Variants in RHBDD1 observed in about 807,000 individuals in gnomAD.
The protein encoded by RHBDD1 is rhomboid domain containing 1.
In RHBDD1, 38 loss-of-function variants were observed where a neutral mutation model predicts 36.3. The ratio of observed to expected loss-of-function variants is 1.05; its 90% confidence interval spans 0.81 to 1.37. The LOEUF (loss-of-function observed/expected upper bound fraction) is 1.37. Ranked by LOEUF, RHBDD1 falls within the 40% of genes most tolerant of loss-of-function variation. The pLI, the probability that RHBDD1 is intolerant of heterozygous loss-of-function variation, is 0.00. For missense variants in RHBDD1, 393 were observed against 377.6 expected (o/e 1.04, Z -0.34); for synonymous variants, 151 against 136.5 (o/e 1.11, Z -0.74).
intron 3 of RHBDD1, among the ~76,000 whole-genome samples, chr2:226,846,053 T>C (rs1373753856): frequency 2.6e-5 from 4 of 152,234 alleles, no homozygotes; most frequent in Non-Finnish European, 5.9e-5. Flanking sequence ...GATCTTGGGT[T>C]CTTGTTTTTA....
At chr2:226,905,070 C>T (rs1036871693) in intron 5 of RHBDD1, among the ~76,000 whole-genome samples, 2 of 151,978 alleles carry the variant, frequency 1.3e-5, no homozygotes, top group Non-Finnish European at 2.9e-5. Flanking sequence ...CTTGGAGTCT[C>T]CATCAGGCTC....
chr2:226,826,908 G>A, the RHBDD1 span, among the ~76,000 whole-genome samples: 1 of 152,106 alleles, frequency 6.6e-6, no homozygotes, highest in Non-Finnish European at 1.5e-5. Flanking sequence ...AAGAGTCAAA[G>A]AAAAGATCAT....
intron 3 of RHBDD1, among the ~76,000 whole-genome samples, chr2:226,846,960 G>A (rs113927787): frequency 8.6e-4 from 131 of 152,286 alleles, no homozygotes; most frequent in African/African-American, 2.9e-3. Flanking sequence ...TTTTTGTCAA[G>A]TAGTGGAAGG....
chr2:226,808,256 G>A, the RHBDD1 span: 1 of 152,006 alleles, frequency 6.6e-6, no homozygotes, highest in African/African-American at 2.4e-5. Context: ...TGACTCCAAG[G>A]TTTTTTTTAC....
chr2:226,969,997 C>CG (rs1434040376), intron 8 of RHBDD1, among the ~76,000 whole-genome samples: 1 of 121,626 alleles, frequency 8.2e-6, no homozygotes, highest in Non-Finnish European at 1.6e-5. Context: ...TGTCCCCCCC[C>CG]CCTTAATTTT....
At chr2:226,879,703 A>G (rs1229139072) in intron 5 of RHBDD1, among the ~76,000 whole-genome samples, 3 of 152,248 alleles carry the variant, frequency 2.0e-5, no homozygotes, top group African/African-American at 7.2e-5. Context: ...GGTAGAAAAT[A>G]AAAACCAATG....
chr2:226,861,121 C>G (rs1199889927), intron 3 of RHBDD1, among the ~76,000 whole-genome samples: 1 of 152,164 alleles, frequency 6.6e-6, no homozygotes, highest in East Asian at 1.9e-4. Flanking sequence ...CAAACTATAT[C>G]TTCTTCTAAG....
chr2:226,904,424 G>GT lies in RHBDD1; in HGVS notation c.567-2369_567-2368insT, dbSNP rs1206254409. On this transcript the variant is annotated intron_variant, in intron 5 of 8. Transcript: ENST00000392062. ...GGCACATCCTGCAAGCGGGGGGGGA[G>GT]GGGGGTCAGGGAACTCCTGTTTCAG... 4.0e-5 allele frequency among the ~76,000 whole-genome samples: 6 copies of GT among 148,260 alleles called. 2 individuals carry two copies. Among genetic ancestry groups the GT allele is most frequent in the Non-Finnish European group, 7.5e-5 (5 of 67,072 alleles).
intron 5 of RHBDD1, among the ~76,000 whole-genome samples, chr2:226,871,051 G>C (rs979762038): frequency 6.6e-6 from 1 of 152,116 alleles, no homozygotes. Flanking sequence ...CTGCTTCATT[G>C]CTAATATTTG....
chr2:226,821,458 C>A, the RHBDD1 span, among the ~76,000 whole-genome samples: 2 of 152,006 alleles, frequency 1.3e-5, no homozygotes, highest in Non-Finnish European at 2.9e-5. Flanking sequence ...CTGCCCCCTG[C>A]CCCATGACTT....
At chr2:226,911,383 C>T (rs1426721194) in intron 7 of RHBDD1, among the ~76,000 whole-genome samples, 1 of 152,068 alleles carries the variant, frequency 6.6e-6, no homozygotes. Context: ...GGGAATTGGG[C>T]AGTTTCTCTA....
chr2:226,954,844 G>A (rs1455983092), intron 8 of RHBDD1, among the ~76,000 whole-genome samples: 2 of 151,056 alleles, frequency 1.3e-5, no homozygotes, highest in African/African-American at 2.4e-5. Flanking sequence ...AAGAAGAGAA[G>A]GAGTGAAGGG....
intron 7 of RHBDD1, among the ~76,000 whole-genome samples, chr2:226,909,902 C>T (rs1948398716): frequency 6.6e-6 from 1 of 152,214 alleles, no homozygotes; most frequent in Non-Finnish European, 1.5e-5. Flanking sequence ...AAAGCTGAGA[C>T]TAGCAGCCTT....
At chr2:226,935,878 G>A (rs534432820) in intron 8 of RHBDD1, among the ~76,000 whole-genome samples, 2 of 152,220 alleles carry the variant, frequency 1.3e-5, no homozygotes, top group South Asian at 2.1e-4. Context: ...ACCTTATTCA[G>A]TTGCGTGATT....
chr2:226,880,584 T>A (rs1241748943), intron 5 of RHBDD1, among the ~76,000 whole-genome samples: 1 of 152,186 alleles, frequency 6.6e-6, no homozygotes, highest in African/African-American at 2.4e-5. Context: ...CAACTCTCCC[T>A]TTGAAGTCCA....
At chr2:226,913,594 C>T (rs896806180) in intron 7 of RHBDD1, among the ~76,000 whole-genome samples, 4 of 152,042 alleles carry the variant, frequency 2.6e-5, no homozygotes, top group African/African-American at 9.7e-5. Context: ...TAGGTTATCT[C>T]TTCTCTCTTG....
chr2:226,946,101 C>G (rs967576521), intron 8 of RHBDD1, among the ~76,000 whole-genome samples: 2 of 151,634 alleles, frequency 1.3e-5, no homozygotes, highest in Non-Finnish European at 3.0e-5. Flanking sequence ...TGTAGGTTGC[C>G]TGTTCACTCT....
chr2:226,988,451 A>T, intron 8 of RHBDD1: 1 of 1,549,436 alleles, frequency 6.5e-7, no homozygotes, highest in Non-Finnish European at 8.7e-7. Flanking sequence ...GACCTAAGGA[A>T]TCCTTTGAGG....
At chr2:226,987,544 C>A (rs544273216) in intron 8 of RHBDD1, among the ~76,000 whole-genome samples, 1 of 152,356 alleles carries the variant, frequency 6.6e-6, no homozygotes, top group Admixed American at 6.5e-5. Context: ...CACATTTGCA[C>A]TCTCCCATCT....
Sources: allele counts gnomAD v4.1 joint callset (sites outside exome capture counted in the v4.1 genomes callset), GRCh38; gene constraint gnomAD v4.1.1; transcripts MANE v1.5; gene names NCBI Gene and HGNC (gene_info 2026-07-23, HGNC 2026-07-21).